The following ZNF385B variants were observed in gnomAD, a reference collection of about 807,000 sequenced individuals.
ZNF385B encodes zinc finger protein 385B, also known as zinc finger protein 533.
In ZNF385B, 23 loss-of-function variants were observed where a neutral mutation model predicts 39.2. That is an observed-to-expected ratio of 0.59 (90% CI 0.42 to 0.83). ZNF385B has a LOEUF of 0.83. ZNF385B is among the 40% of genes least tolerant of loss of function. The pLI is 0.00. For synonymous variants in ZNF385B, 205 were observed against 222.6 expected (o/e 0.92, Z 0.70); for missense variants, 552 against 598.9 (o/e 0.92, Z 0.82).
At chr2:179,623,916 A>C (rs2106168872) in intron 3 of ZNF385B, among the ~76,000 whole-genome samples, 1 of 152,318 alleles carries the variant, frequency 6.6e-6, no homozygotes, top group Non-Finnish European at 1.5e-5. Context: ...TGTTAGACTT[A>C]AAAAAGTTAG....
At chr2:179,740,623 G>A (rs1282384078) in intron 3 of ZNF385B, among the ~76,000 whole-genome samples, 2 of 152,124 alleles carry the variant, frequency 1.3e-5, no homozygotes, top group African/African-American at 4.8e-5. Context: ...GGTATTTTGC[G>A]ATAACAAACA....
chr2:179,656,375 G>A (rs973106677), intron 3 of ZNF385B, among the ~76,000 whole-genome samples: 3 of 152,088 alleles, frequency 2.0e-5, no homozygotes, highest in African/African-American at 7.2e-5. Flanking sequence ...GAGGGTAAGT[G>A]ATTTGCCAAG....
chr2:179,455,686 G>T (rs906827712), intron 6 of ZNF385B, among the ~76,000 whole-genome samples: 1 of 151,882 alleles, frequency 6.6e-6, no homozygotes, highest in African/African-American at 2.4e-5. Flanking sequence ...AGGTCAGTAT[G>T]AGACCAGCCT....
rs1294146185 is a variant in ZNF385B, at chr2:179,623,180, C to T, written c.299-78211G>A. ...AGAAAATCAAGATTCACTGGATTGCCTTTTCTAGGTCCGGAGAATTTAGCT... is the reference window on the plus strand; with the variant it reads ...AGAAAATCAAGATTCACTGGATTGCTTTTTCTAGGTCCGGAGAATTTAGCT... On this transcript the variant is annotated intron_variant, in intron 3 of 9. Coordinates refer to ENST00000410066, the MANE Select transcript of ZNF385B (RefSeq NM_152520.6). 2.0e-5 allele frequency among the ~76,000 whole-genome samples: 3 copies of T among 152,044 alleles called. No individual in the cohort carries two copies. In the East Asian group the frequency reaches 5.8e-4, roughly 29 times the overall value.
At chr2:179,546,256 C>A (rs1213305118) in intron 3 of ZNF385B, among the ~76,000 whole-genome samples, 1 of 151,934 alleles carries the variant, frequency 6.6e-6, no homozygotes, top group African/African-American at 2.4e-5. Context: ...ACGCTGGTCT[C>A]GAACTCCTAG....
chr2:179,611,243 A>G (rs935159879), intron 3 of ZNF385B, among the ~76,000 whole-genome samples: 3 of 152,130 alleles, frequency 2.0e-5, no homozygotes, highest in Non-Finnish European at 2.9e-5. Context: ...GAAGGTTTCT[A>G]TCACGAAGAG....
chr2:179,851,413 G>A (rs1443991855), intron 1 of ZNF385B, among the ~76,000 whole-genome samples: 6 of 152,192 alleles, frequency 3.9e-5, no homozygotes, highest in Non-Finnish European at 5.9e-5. Flanking sequence ...TTGCACCACT[G>A]CATTCCAGTC....
chr2:179,720,596 G>A (rs1700627463), intron 3 of ZNF385B, among the ~76,000 whole-genome samples: 1 of 151,640 alleles, frequency 6.6e-6, no homozygotes, highest in Non-Finnish European at 1.5e-5. Context: ...CACATAAGAT[G>A]GTAGAAGAGA....
intron 3 of ZNF385B, among the ~76,000 whole-genome samples, chr2:179,673,626 G>C (rs1006980066): frequency 1.3e-5 from 2 of 152,038 alleles, no homozygotes; most frequent in South Asian, 4.2e-4. Context: ...CCTTCCTTCT[G>C]CCTCCTTCAC....
chr2:179,755,016 G>T (rs1307233856), intron 3 of ZNF385B, among the ~76,000 whole-genome samples: 1 of 152,150 alleles, frequency 6.6e-6, no homozygotes, highest in Non-Finnish European at 1.5e-5. Context: ...TCTTTCGATT[G>T]TGATGTTAGG....
chr2:179,450,848 C>A (rs1044535075), intron 6 of ZNF385B, among the ~76,000 whole-genome samples: 26 of 152,132 alleles, frequency 1.7e-4, no homozygotes, highest in African/African-American at 6.0e-4. Context: ...TTGGAACCAA[C>A]CTAAATGTCC....
Position 179,751,066 on chromosome 2 carries a change from G to C in ZNF385B, c.298+18437C>G, listed in dbSNP as rs111912416. The stretch of plus-strand genomic sequence containing the variant: ...TTCATTCCTGATATCTCTTAAAATG[G>C]AGATTTTTTCCAGACATGGACAATA... On this transcript the variant is annotated intron_variant, in intron 3 of 9. Transcript: ENST00000410066. Among the ~76,000 whole-genome samples, 8 of 152,132 alleles carry C rather than the reference G, an allele frequency of 5.3e-5. 1 individual carries two copies. The highest frequency in any genetic ancestry group is 4.2e-4 in the South Asian group (2 of 4,816).
chr2:179,754,194 G>A (rs948408987), intron 3 of ZNF385B, among the ~76,000 whole-genome samples: 1 of 152,180 alleles, frequency 6.6e-6, no homozygotes, highest in East Asian at 1.9e-4. Context: ...GGATAATCAT[G>A]TGGTTTTTGT....
At chr2:179,860,371 G>A (rs1317410216) in intron 1 of ZNF385B, among the ~76,000 whole-genome samples, 2 of 152,096 alleles carry the variant, frequency 1.3e-5, no homozygotes, top group African/African-American at 4.8e-5. Flanking sequence ...AGAGTCTAGG[G>A]AAGCATCGTC....
chr2:179,834,387 A>G (rs1001901138), intron 1 of ZNF385B, among the ~76,000 whole-genome samples: 1 of 152,162 alleles, frequency 6.6e-6, no homozygotes, highest in African/African-American at 2.4e-5. Flanking sequence ...GAGAGTGCTC[A>G]ATAACTAATT....
chr2:179,448,263 A>T (rs2049713312), intron 6 of ZNF385B, among the ~76,000 whole-genome samples: 1 of 152,088 alleles, frequency 6.6e-6, no homozygotes, highest in South Asian at 2.1e-4. Context: ...AGCAAATTAG[A>T]TTGGATAATA....
In ZNF385B at chr2:179,670,341, A is replaced by G. The variant is rs1559065281; in HGVS notation, c.298+99162T>C. Reference sequence around the variant, plus strand: ...GGTGCTAATACTTTCACCATTGCCAATTGACAGCTAACAGCATGACATTAT... The same window carrying G: ...GGTGCTAATACTTTCACCATTGCCAGTTGACAGCTAACAGCATGACATTAT... On this transcript the variant is annotated intron_variant, in intron 3 of 9. Coordinates refer to ENST00000410066, the MANE Select transcript of ZNF385B (RefSeq NM_152520.6). Among the ~76,000 whole-genome samples the G allele has an allele frequency of 2.0e-5, 3 of 151,884 alleles. No individual in the cohort carries two copies. In the South Asian group the frequency reaches 6.2e-4, roughly 32 times the overall value.
At chr2:179,746,547 A>G (rs1330466323) in intron 3 of ZNF385B, among the ~76,000 whole-genome samples, 1 of 152,190 alleles carries the variant, frequency 6.6e-6, no homozygotes. Flanking sequence ...CATCAATTTT[A>G]TTCTAAGATA....
chr2:179,565,293 T>C (rs950979458), intron 3 of ZNF385B, among the ~76,000 whole-genome samples: 12 of 152,192 alleles, frequency 7.9e-5, no homozygotes, highest in African/African-American at 2.9e-4. Flanking sequence ...GCCCCAATTT[T>C]CTCAGCTCAC....
Sources: allele counts gnomAD v4.1 joint callset (sites outside exome capture counted in the v4.1 genomes callset), GRCh38; gene constraint gnomAD v4.1.1; transcripts MANE v1.5; gene names NCBI Gene and HGNC (gene_info 2026-07-23, HGNC 2026-07-21).